The following PDHX variants were observed in gnomAD, a reference collection of about 807,000 sequenced individuals.
PDHX encodes pyruvate dehydrogenase protein X component, mitochondrial.
A neutral mutation model predicts 55.3 loss-of-function variants in PDHX; 33 were observed. The observed-to-expected ratio is 0.60, with a 90% CI of 0.45 to 0.80. The LOEUF (loss-of-function observed/expected upper bound fraction) is 0.80. PDHX is among the 30% of genes least tolerant of loss of function. PDHX has a pLI of 0.00. For missense variants in PDHX, 622 were observed against 619.9 expected (o/e 1.00, Z -0.04); for synonymous variants, 226 against 219.4 (o/e 1.03, Z -0.27).
At chr11:34,973,188 CT>C (rs374997619) in intron 7 of PDHX, among the ~76,000 whole-genome samples, 330 of 152,310 alleles carry the variant, frequency 2.2e-3, no homozygotes, top group African/African-American at 7.3e-3. Context: ...ATGTCCTTAT[CT>C]ATTCCTTGTA....
intron 4 of PDHX, among the ~76,000 whole-genome samples, chr11:34,959,900 G>C (rs1854987265): frequency 6.6e-6 from 1 of 152,148 alleles, no homozygotes; most frequent in Non-Finnish European, 1.5e-5. Flanking sequence ...GAGGAAGGAG[G>C]AATGGAGAGT....
At chr11:34,916,091 G>A (rs982080557), upstream of PDHX, 40 of 1,144,976 alleles carry the variant, frequency 3.5e-5, no homozygotes, top group African/African-American at 5.8e-4. Context: ...GGTGCGCCGG[G>A]GTAGCGAACG....
chr11:34,979,614 C>G (rs560475385), intron 8 of PDHX, among the ~76,000 whole-genome samples: 1 of 152,184 alleles, frequency 6.6e-6, no homozygotes, highest in Admixed American at 6.5e-5. Context: ...TCAGCAGTAT[C>G]TAATTATTCA....
At chr11:34,924,408 A>G (rs1453600822) in intron 1 of PDHX, among the ~76,000 whole-genome samples, 1 of 152,098 alleles carries the variant, frequency 6.6e-6, no homozygotes, top group African/African-American at 2.4e-5. Flanking sequence ...TTTAGTAAAG[A>G]CGGGCTTTCA....
chr11:34,994,907 C>T lies in PDHX; in HGVS notation c.1248-7C>T, dbSNP rs201172160. The T allele has an allele frequency of 4.3e-6, 7 of 1,613,668 alleles. No individual in the cohort carries two copies. The East Asian group carries it at 1.3e-4, about 31-fold the overall frequency. On this transcript the variant is annotated splice_polypyrimidine_tract_variant and splice_region_variant and intron_variant, in intron 10 of 10. Coordinates refer to ENST00000227868, the MANE Select transcript of PDHX (RefSeq NM_003477.3). Reference sequence around the variant, plus strand: ...GCCTCCTTCAGAGCTTTTTCTTTTCCCCCTAGTATTTCCAACTTGGGGATG... The same window carrying T: ...GCCTCCTTCAGAGCTTTTTCTTTTCTCCCTAGTATTTCCAACTTGGGGATG...
Position 34,971,413 on chromosome 11 carries a change from TTTATG to T in PDHX, c.964+1131_964+1135del, listed in dbSNP as rs564217997. Among the ~76,000 whole-genome samples the T allele has an allele frequency of 1.4e-4, 22 of 152,276 alleles. No homozygotes were observed. The South Asian group carries it at 4.4e-3, about 30-fold the overall frequency. On this transcript the variant is annotated intron_variant, in intron 7 of 10. Coordinates refer to ENST00000227868, the MANE Select transcript of PDHX (RefSeq NM_003477.3). ...ATTTTGGGGGAAAAGCATTCAGTCT[TTTATG>T]TTAGCTATAGGTTTTTTGTAGAATA...
chr11:34,968,243 A>G (rs948103550), intron 6 of PDHX, among the ~76,000 whole-genome samples: 12 of 147,840 alleles, frequency 8.1e-5, no homozygotes, highest in Non-Finnish European at 1.5e-4. Flanking sequence ...CCTGGGTAAT[A>G]GAGGAAGACC....
Position 34,916,905 on chromosome 11 carries a change from T to C in PDHX, c.160+90T>C, listed in dbSNP as rs561660620. 5,061 of 1,271,704 alleles carry C rather than the reference T, an allele frequency of 4.0e-3. 17 individuals are homozygous for C. The highest frequency in any genetic ancestry group is 5.1e-3 in the Non-Finnish European group (4,643 of 902,780). The allele number at this position is 1,271,704 out of a possible 1,614,324, so 78.8% of individuals were successfully genotyped here. A position where few individuals can be genotyped will look rare whatever the true frequency, so the allele number is the denominator to read the frequency against. On this transcript the variant is annotated intron_variant, in intron 1 of 10. Transcript: ENST00000227868. ...TTATGATTGAGGGCCTGCTTTTGGG[T>C]GTGAAGGTGCGCGGGCTCCTTATTC...
chr11:34,936,744 A>G (rs1854321536), intron 2 of PDHX, among the ~76,000 whole-genome samples: 2 of 144,424 alleles, frequency 1.4e-5, no homozygotes, highest in South Asian at 4.4e-4. Context: ...ATAGATCCAC[A>G]TTCATGGTTT....
intron 3 of PDHX, among the ~76,000 whole-genome samples, chr11:34,950,590 T>C (rs930469973): frequency 4.0e-5 from 6 of 150,412 alleles, no homozygotes; most frequent in African/African-American, 1.5e-4. Flanking sequence ...GTGTTCTCAT[T>C]GTTCAATTCC....
At chr11:34,922,862 C>G (rs567566933) in intron 1 of PDHX, among the ~76,000 whole-genome samples, 1 of 104,166 alleles carries the variant, frequency 9.6e-6, no homozygotes, top group Non-Finnish European at 1.9e-5. Context: ...CCCAAAGTAT[C>G]GTTGTGTGTG....
At chr11:34,946,814 C>T (rs147171424) in intron 2 of PDHX, among the ~76,000 whole-genome samples, 107 of 152,288 alleles carry the variant, frequency 7.0e-4, no homozygotes, top group African/African-American at 2.4e-3. Context: ...CCCCTATATC[C>T]AACAGACTAC....
At chr11:34,930,960 C>T (rs918311553) in intron 1 of PDHX, among the ~76,000 whole-genome samples, 3 of 152,128 alleles carry the variant, frequency 2.0e-5, no homozygotes, top group Non-Finnish European at 2.9e-5. Flanking sequence ...ATTCTGTTGT[C>T]GATCATCAGA....
chr11:34,955,775 G>T (rs919097684), intron 3 of PDHX, among the ~76,000 whole-genome samples: 2 of 150,822 alleles, frequency 1.3e-5, no homozygotes, highest in Non-Finnish European at 3.0e-5. Context: ...GTCTGACTCA[G>T]ATTTTAGAAA....
chr11:34,979,377 A>T (rs1166518814), intron 8 of PDHX, among the ~76,000 whole-genome samples: 1 of 152,136 alleles, frequency 6.6e-6, no homozygotes, highest in East Asian at 1.9e-4. Flanking sequence ...GTAAATCTAG[A>T]ACCCAGGCTT....
At chr11:34,977,700 A>G (rs1855409241) in intron 7 of PDHX, 2 of 454,242 alleles carry the variant, frequency 4.4e-6, no homozygotes, top group East Asian at 1.4e-4. Flanking sequence ...GTTATAAAGC[A>G]TACAGAGAAT....
intron 7 of PDHX, among the ~76,000 whole-genome samples, chr11:34,977,324 A>G (rs1322554301): frequency 6.6e-6 from 1 of 152,192 alleles, no homozygotes; most frequent in Non-Finnish European, 1.5e-5. Context: ...TAACACTGTT[A>G]TACCCAGTGG....
intron 9 of PDHX, among the ~76,000 whole-genome samples, chr11:34,989,703 C>A (rs1277296603): frequency 1.3e-5 from 2 of 152,138 alleles, no homozygotes; most frequent in African/African-American, 4.8e-5. Context: ...CTTAGGCCTT[C>A]TGCAGCTTCT....
chr11:34,924,848 C>T (rs569234279), intron 1 of PDHX, among the ~76,000 whole-genome samples: 2 of 152,160 alleles, frequency 1.3e-5, no homozygotes, highest in African/African-American at 2.4e-5. Context: ...AGTTTTGTCT[C>T]TTAACTTTCT....
Sources: allele counts gnomAD v4.1 joint callset (sites outside exome capture counted in the v4.1 genomes callset), GRCh38; gene constraint gnomAD v4.1.1; transcripts MANE v1.5; gene names NCBI Gene and HGNC (gene_info 2026-07-23, HGNC 2026-07-21).